Variants in TMEM266 observed in about 807,000 individuals in gnomAD.
TMEM266 encodes Hv1 related protein 1.
TMEM266 carries 33 observed loss-of-function variants against 50.5 expected under a neutral mutation model. The ratio of observed to expected loss-of-function variants is 0.65; its 90% CI spans 0.50 to 0.87. The LOEUF is 0.87. Among genes scored for constraint, TMEM266 ranks in the 40% least tolerant of loss-of-function variants. The probability of loss-of-function intolerance (pLI) is 0.00; values close to 1 mark genes in which losing one functional copy is unlikely to be tolerated. For synonymous variants in TMEM266, 310 were observed against 292.3 expected, an observed-to-expected ratio of 1.06 and a Z score of -0.62; for missense variants, 655 against 695.1, an observed-to-expected ratio of 0.94 and a Z score of 0.65.
Position 76,160,007 on chromosome 15 carries a change from C to T in TMEM266, c.383-88C>T. On this transcript the variant is annotated intron_variant, in intron 4 of 10. Transcript: ENST00000388942. This position sits in a 1 kb window ranked among gnomAD's most constrained non-coding sequence, Gnocchi z 5.7. The stretch of plus-strand genomic sequence containing the variant: ...TTCATGCAGGCGGGCCCCGGGGTCC[C>T]AGAGGTCTGGACGGATGCTGCGAAG... 7.5e-7 allele frequency: 1 copy of T among 1,327,888 alleles called. No homozygotes were observed. 82.3% of individuals were successfully genotyped at this position (1,327,888 alleles called of 1,614,324 possible).
chr15:76,145,060 G>T (rs540020623), intron 3 of TMEM266, among the ~76,000 whole-genome samples: 1 of 152,270 alleles, frequency 6.6e-6, no homozygotes, highest in South Asian at 2.1e-4. Flanking sequence ...ACTGATGCAG[G>T]TACCATGGAG....
At chr15:76,195,112 A>C (rs2038635233) in intron 9 of TMEM266, among the ~76,000 whole-genome samples, 1 of 152,128 alleles carries the variant, frequency 6.6e-6, no homozygotes, top group Non-Finnish European at 1.5e-5. Flanking sequence ...TGCCTACCAG[A>C]CTTCTCTTCA....
intron 9 of TMEM266, among the ~76,000 whole-genome samples, chr15:76,196,850 TTTAAAACCTAGGCTGCAGAG>T (rs2038664124): frequency 6.7e-6 from 1 of 149,570 alleles, no homozygotes; most frequent in Non-Finnish European, 1.5e-5. Flanking sequence ...ACAAATCATT[TTTAAAACCTAGGCTGCAGAG>T]TTCCAGGCTT....
chr15:76,090,012 G>C (rs975362650), intron 1 of TMEM266, among the ~76,000 whole-genome samples: 5 of 152,124 alleles, frequency 3.3e-5, no homozygotes, highest in Non-Finnish European at 5.9e-5. Context: ...TTTGGATGGA[G>C]GTAAGATAAT....
chr15:76,192,061 A>C lies in TMEM266; in HGVS notation c.862A>C (p.Ser288Arg), dbSNP rs748716750. ...GGCGCTCCAGGCCCCGCACGTGCTC[A>C]GCCAGCCGCGCAGCCGCTTCAAAGT... Residue 288 changes from serine to arginine, a missense_variant, in exon 9 of 11, where the codon AGC (serine) becomes CGC (arginine). Ser to Arg is a moderately radical substitution (Grantham distance 110, BLOSUM62 -1). Transcript: ENST00000388942. 3.3e-6 allele frequency: 5 copies of C among 1,507,458 alleles called. No individual in the cohort carries two copies. In the South Asian group the frequency reaches 6.4e-5, roughly 19 times the overall value. The allele number at this position is 1,507,458 out of a possible 1,614,324, so 93.4% of individuals were successfully genotyped here. A position where few individuals can be genotyped will look rare whatever the true frequency, so the allele number is the denominator to read the frequency against.
intron 8 of TMEM266, among the ~76,000 whole-genome samples, chr15:76,188,772 G>T (rs2038525353): frequency 6.6e-6 from 1 of 152,024 alleles, no homozygotes. Flanking sequence ...ATTTGGGTGG[G>T]GACACAGCCA....
rs562601304 is a variant in TMEM266, at chr15:76,182,494, A to G, written c.768+6820A>G. ...TACTAAAAAAAAATATATATAAAAAATTAGCCCGGTGTGGTGGCGGGTGCC... is the reference window on the plus strand; with the variant it reads ...TACTAAAAAAAAATATATATAAAAAGTTAGCCCGGTGTGGTGGCGGGTGCC... On this transcript the variant is annotated intron_variant, in intron 8 of 10. Transcript: ENST00000388942. Among the ~76,000 whole-genome samples, 19 of 151,966 alleles carry G rather than the reference A, an allele frequency of 1.3e-4. No homozygotes were observed. In the South Asian group the frequency reaches 2.7e-3, roughly 22 times the overall value.
intron 5 of TMEM266, among the ~76,000 whole-genome samples, chr15:76,164,835 C>T (rs538013048): frequency 9.9e-5 from 15 of 152,012 alleles, no homozygotes; most frequent in African/African-American, 3.2e-4. Flanking sequence ...CTGCTCCCTT[C>T]TCCCTGGCTG....
At chr15:76,084,200 G>A (rs1445418618) in intron 1 of TMEM266, among the ~76,000 whole-genome samples, 1 of 152,150 alleles carries the variant, frequency 6.6e-6, no homozygotes, top group Admixed American at 6.5e-5. Flanking sequence ...TATAGTCCCA[G>A]CTACTCAGGA....
intron 1 of TMEM266, among the ~76,000 whole-genome samples, chr15:76,099,735 A>G (rs2036973679): frequency 6.6e-6 from 1 of 152,164 alleles, no homozygotes; most frequent in Non-Finnish European, 1.5e-5. Context: ...TTGATTGCCA[A>G]CAGCCTGGGT....
At chr15:76,200,089 A>AG (rs113417410) in intron 9 of TMEM266, among the ~76,000 whole-genome samples, 71 of 152,274 alleles carry the variant, frequency 4.7e-4, no homozygotes, top group African/African-American at 1.6e-3. Flanking sequence ...CCCCGCAGAC[A>AG]GGGACTCCTG....
intron 1 of TMEM266, among the ~76,000 whole-genome samples, chr15:76,076,189 C>G (rs2036606616): frequency 6.6e-6 from 1 of 151,902 alleles, no homozygotes; most frequent in African/African-American, 2.4e-5. Context: ...TTCTAACGTT[C>G]CATCCTGAAG....
At chr15:76,195,714 C>T (rs1041231262) in intron 9 of TMEM266, among the ~76,000 whole-genome samples, 6 of 152,246 alleles carry the variant, frequency 3.9e-5, no homozygotes, top group East Asian at 1.9e-4. Context: ...AGCTGCTCTC[C>T]GCAGCACCTC....
At chr15:76,184,916 C>T (rs1275287560) in intron 8 of TMEM266, among the ~76,000 whole-genome samples, 2 of 152,224 alleles carry the variant, frequency 1.3e-5, no homozygotes, top group South Asian at 2.1e-4. Flanking sequence ...TTTAATTCTT[C>T]CCAAGCCTAG....
At chr15:76,064,534 G>C (rs1230539417) in intron 1 of TMEM266, among the ~76,000 whole-genome samples, 1 of 152,202 alleles carries the variant, frequency 6.6e-6, no homozygotes, top group Non-Finnish European at 1.5e-5. Context: ...ATGGAAAGAA[G>C]CCTGGGAGAA....
chr15:76,191,928 C>T lies in TMEM266; in HGVS notation c.769-40C>T, dbSNP rs78438628. The T allele has an allele frequency of 6.4e-3, 9,802 of 1,526,426 alleles. 380 individuals are homozygous for T. The African/African-American group carries it at 0.098, about 15-fold the overall frequency. 94.6% of individuals were successfully genotyped at this position (1,526,426 alleles called of 1,614,324 possible). A position where few individuals can be genotyped will look rare whatever the true frequency, so the allele number is the denominator to read the frequency against. On this transcript the variant is annotated intron_variant, in intron 8 of 10. Transcript: ENST00000388942. ...GGTCAGGCTGGAGGCCCCCGCCGGC[C>T]CCTCGCCGCTGATTCAGCCTTGCCC...
Position 76,204,400 on chromosome 15 carries a change from C to A in TMEM266, c.*85C>A. 7.4e-7 allele frequency: 1 copy of A among 1,357,404 alleles called. No homozygotes were observed. Among genetic ancestry groups the A allele is most frequent in the Non-Finnish European group, 1.0e-6 (1 of 995,838 alleles). The allele number at this position is 1,357,404 out of a possible 1,614,324, so 84.1% of individuals were successfully genotyped here. The stretch of plus-strand genomic sequence containing the variant: ...CCTGGAGGCTGCCAAGGGCCACACG[C>A]GGGGCCCAGGAGCCCACCTGGCCTC... On this transcript the variant is annotated 3_prime_UTR_variant, in exon 11 of 11. Transcript: ENST00000388942.
At chr15:76,140,330 C>T (rs537387318) in intron 3 of TMEM266, among the ~76,000 whole-genome samples, 3 of 152,330 alleles carry the variant, frequency 2.0e-5, no homozygotes, top group Non-Finnish European at 2.9e-5. Flanking sequence ...GAGGAACGGC[C>T]TCTCTCCGCG....
chr15:76,092,988 A>G (rs1384681726), intron 1 of TMEM266, among the ~76,000 whole-genome samples: 1 of 150,996 alleles, frequency 6.6e-6, no homozygotes, highest in Non-Finnish European at 1.5e-5. Flanking sequence ...TTGTATTTTT[A>G]GTAGAGACGG....
Sources: gnomAD v4.1 joint callset for allele counts (sites outside exome capture counted in the v4.1 genomes callset) on GRCh38, gnomAD v4.1.1 for gene constraint, Gnocchi (gnomAD v3.1) non-coding constraint, MANE v1.5 for transcripts, NCBI Gene and HGNC (gene_info 2026-07-23, HGNC 2026-07-21) for gene names.